Variants in EBF1 observed in about 807,000 individuals in gnomAD.
EBF1 encodes EBF transcription factor 1.
A neutral mutation model predicts 68.4 loss-of-function variants in EBF1; 10 were observed. The ratio of observed to expected loss-of-function variants is 0.15; its 90% CI spans 0.09 to 0.25. The LOEUF (loss-of-function observed/expected upper bound fraction) is 0.25. Ranked by LOEUF, EBF1 falls within the 10% of genes least tolerant of loss-of-function variation. The probability of loss-of-function intolerance (pLI) is 1.00; values close to 1 mark genes in which losing one functional copy is unlikely to be tolerated. For synonymous variants in EBF1, 298 were observed against 299.8 expected (o/e 0.99, Z 0.06); for missense variants, 509 against 794.4 (o/e 0.64, Z 4.32).
chr5:159,016,234 C>A (rs1016787377), intron 6 of EBF1, among the ~76,000 whole-genome samples: 3 of 151,866 alleles, frequency 2.0e-5, no homozygotes, highest in Admixed American at 6.6e-5. Context: ...ATTTCCTGGA[C>A]TTGAATCTAG....
intron 6 of EBF1, among the ~76,000 whole-genome samples, chr5:158,947,331 G>A (rs1195832384): frequency 3.9e-5 from 6 of 152,190 alleles, no homozygotes; most frequent in Non-Finnish European, 5.9e-5. Context: ...ATTGGCAACC[G>A]GGAGAATCTC....
chr5:159,096,525 G>A, intron 2 of EBF1, 119 bp from the exon 3 acceptor site: 1 of 1,090,518 alleles, frequency 9.2e-7, no homozygotes, highest in Non-Finnish European at 1.4e-6. Flanking sequence ...GAGCCAGGCA[G>A]CCACGGTAGC....
chr5:159,081,422 T>C (rs1779719543), intron 5 of EBF1, among the ~76,000 whole-genome samples: 1 of 152,232 alleles, frequency 6.6e-6, no homozygotes, highest in African/African-American at 2.4e-5. Context: ...ATAGCGTATG[T>C]AAGGTTCAGG....
At chr5:158,962,623 T>C (rs1017443569) in intron 6 of EBF1, among the ~76,000 whole-genome samples, 1 of 152,210 alleles carries the variant, frequency 6.6e-6, no homozygotes, top group Admixed American at 6.5e-5. Context: ...TAGCATTGCT[T>C]TCTGTACTGG....
Position 158,751,735 on chromosome 5 carries a change from C to T in EBF1, c.1037-20578G>A, listed in dbSNP as rs143197744. 7.7e-3 allele frequency among the ~76,000 whole-genome samples: 1,171 copies of T among 152,052 alleles called. 19 individuals are homozygous for T. The highest frequency in any genetic ancestry group is 0.027 in the African/African-American group (1,124 of 41,482). On this transcript the variant is annotated intron_variant, in intron 10 of 15. Coordinates refer to ENST00000313708, the MANE Select transcript of EBF1 (RefSeq NM_024007.5). The stretch of plus-strand genomic sequence containing the variant: ...TATTTGTAAAACACTTAGAAGACTA[C>T]GTTATACAATAAGTACTTATCCATT...
At chr5:158,751,905 G>C (rs972339544) in intron 10 of EBF1, among the ~76,000 whole-genome samples, 1 of 151,996 alleles carries the variant, frequency 6.6e-6, no homozygotes, top group Non-Finnish European at 1.5e-5. Flanking sequence ...AGCTTAAGTC[G>C]AGACTCAGGA....
At chr5:159,020,795 T>C (rs1302221914) in intron 6 of EBF1, among the ~76,000 whole-genome samples, 1 of 152,244 alleles carries the variant, frequency 6.6e-6, no homozygotes, top group African/African-American at 2.4e-5. Context: ...AGTCATAAAG[T>C]AAGTAGATGC....
Position 158,695,938 on chromosome 5 carries a change from T to TTTAA in EBF1, c.*3169_*3172dup. 5.4e-6 allele frequency: 1 copy of TTTAA among 185,088 alleles called. No homozygotes were observed. Among genetic ancestry groups the TTTAA allele is most frequent in the Non-Finnish European group, 1.1e-5 (1 of 87,432 alleles). The allele number at this position is 185,088 out of a possible 1,614,324, so 11.5% of individuals were successfully genotyped here. A position where few individuals can be genotyped will look rare whatever the true frequency, so the allele number is the denominator to read the frequency against. On this transcript the variant is annotated 3_prime_UTR_variant, in exon 16 of 16. Transcript: ENST00000313708. ...GCTGCCATCACAGACAGGAAGTAAC[T>TTTAA]TTAATTAAATATTGTGAAAGTTGAA...
At chr5:159,031,789 C>G (rs1209172998) in intron 6 of EBF1, among the ~76,000 whole-genome samples, 1 of 152,186 alleles carries the variant, frequency 6.6e-6, no homozygotes, top group Non-Finnish European at 1.5e-5. Flanking sequence ...TGGCAGAAGT[C>G]TCTGTTTCCC....
intron 6 of EBF1, among the ~76,000 whole-genome samples, chr5:158,989,658 C>G (rs1583711532): frequency 1.3e-5 from 2 of 152,178 alleles, no homozygotes; most frequent in South Asian, 4.1e-4. Flanking sequence ...GAGAGAGGAT[C>G]AGCAGTAATG....
In EBF1 at chr5:158,832,403, T is replaced by A. The variant is rs1582342644; in HGVS notation, c.636+7626A>T. Among the ~76,000 whole-genome samples, 3 of 152,250 alleles carry A rather than the reference T, an allele frequency of 2.0e-5. No individual in the cohort carries two copies. The East Asian group carries it at 5.8e-4, about 29-fold the overall frequency. On this transcript the variant is annotated intron_variant, in intron 7 of 15. Transcript: ENST00000313708. ...AAAATCACCATTTGTATTTACCATG[T>A]TATGTGACTTAATCCTGTATTCTGA... is the stretch of plus-strand genomic sequence containing the variant.
chr5:158,763,248 G>C (rs909084843), intron 10 of EBF1, among the ~76,000 whole-genome samples: 1 of 152,180 alleles, frequency 6.6e-6, no homozygotes, highest in Non-Finnish European at 1.5e-5. Flanking sequence ...TAAATTACAA[G>C]AGTGCAGCAG....
intron 6 of EBF1, among the ~76,000 whole-genome samples, chr5:158,857,175 C>T (rs930956419): frequency 1.3e-5 from 2 of 151,666 alleles, no homozygotes; most frequent in African/African-American, 4.8e-5. Flanking sequence ...CTCAGCACCC[C>T]TTCTGCTTGG....
chr5:158,907,713 T>G (rs1244673328), intron 6 of EBF1, among the ~76,000 whole-genome samples: 1 of 152,108 alleles, frequency 6.6e-6, no homozygotes, highest in Non-Finnish European at 1.5e-5. Flanking sequence ...AAAACATGTA[T>G]CTTTGAAGCA....
At chr5:158,747,208 G>A (rs764541200) in intron 10 of EBF1, among the ~76,000 whole-genome samples, 3 of 152,270 alleles carry the variant, frequency 2.0e-5, no homozygotes, top group African/African-American at 2.4e-5. Context: ...TGTTGGAGCC[G>A]AACCAACCCC....
chr5:158,800,477 A>G (rs903075117), intron 8 of EBF1, among the ~76,000 whole-genome samples: 4 of 152,236 alleles, frequency 2.6e-5, no homozygotes, highest in Non-Finnish European at 5.9e-5. Context: ...TTCAATGTGT[A>G]CAAATAAGGT....
intron 6 of EBF1, among the ~76,000 whole-genome samples, chr5:158,978,600 C>T (rs1264071165): frequency 6.8e-6 from 1 of 148,128 alleles, no homozygotes; most frequent in African/African-American, 2.5e-5. Flanking sequence ...AGCACCTTGC[C>T]GCTGCCAACA....
chr5:158,973,867 C>A (rs894714106), intron 6 of EBF1, among the ~76,000 whole-genome samples: 1 of 152,108 alleles, frequency 6.6e-6, no homozygotes, highest in Non-Finnish European at 1.5e-5. Flanking sequence ...ACCTGCATGC[C>A]ATCTTCTGGT....
intron 6 of EBF1, among the ~76,000 whole-genome samples, chr5:158,880,753 TAAATG>T (rs1045327196): frequency 6.6e-6 from 1 of 152,192 alleles, no homozygotes; most frequent in Non-Finnish European, 1.5e-5. Context: ...AGTTGACTGC[TAAATG>T]AAATCAACTT....
Sources: allele counts gnomAD v4.1 joint callset (sites outside exome capture counted in the v4.1 genomes callset), GRCh38; gene constraint gnomAD v4.1.1; transcripts MANE v1.5; gene names NCBI Gene and HGNC (gene_info 2026-07-23, HGNC 2026-07-21).